MCC: variants seen among roughly 807,000 people sequenced by gnomAD.
MCC encodes colorectal mutant cancer protein.
In MCC, 90 loss-of-function variants were observed where a neutral mutation model predicts 116.2. That is an observed-to-expected ratio of 0.77 (90% CI 0.65 to 0.92). The LOEUF (loss-of-function observed/expected upper bound fraction) is 0.92. Among genes scored for constraint, MCC ranks in the 40% least tolerant of loss-of-function variants. The probability of loss-of-function intolerance (pLI) is 0.00; values close to 1 mark genes in which losing one functional copy is unlikely to be tolerated. For synonymous variants in MCC, 578 were observed against 510.5 expected (o/e 1.13, Z -1.78); for missense variants, 1,516 against 1,312.2 (o/e 1.16, Z -2.40).
intron 3 of MCC, among the ~76,000 whole-genome samples, chr5:113,285,204 G>C (rs990337097): frequency 2.6e-5 from 4 of 152,126 alleles, no homozygotes; most frequent in African/African-American, 9.7e-5. Context: ...TCAAAGGCGG[G>C]AAGCCAAAGG....
intron 3 of MCC, among the ~76,000 whole-genome samples, chr5:113,242,523 A>G (rs1402846028): frequency 6.6e-6 from 1 of 151,508 alleles, no homozygotes; most frequent in East Asian, 1.9e-4. Flanking sequence ...ATGAATTAGT[A>G]AGAGTTAATT....
chr5:113,200,192 G>T (rs1335876606), intron 3 of MCC, among the ~76,000 whole-genome samples: 1 of 152,038 alleles, frequency 6.6e-6, no homozygotes, highest in Non-Finnish European at 1.5e-5. Context: ...CAGAAGGAAG[G>T]GATTTCAAAC....
chr5:113,206,216 T>C (rs1380880113), intron 3 of MCC, among the ~76,000 whole-genome samples: 1 of 152,220 alleles, frequency 6.6e-6, no homozygotes, highest in African/African-American at 2.4e-5. Context: ...ATCCAAGCTT[T>C]ACTGAGTGCC....
intron 16 of MCC, among the ~76,000 whole-genome samples, chr5:113,047,784 A>G (rs909140388): frequency 1.3e-5 from 2 of 151,376 alleles, no homozygotes; most frequent in Non-Finnish European, 2.9e-5. Context: ...TTCCCAACAC[A>G]GTATTTGGAA....
chr5:113,294,598 G>C (rs1360473043), intron 3 of MCC: 1 of 1,203,166 alleles, frequency 8.3e-7, no homozygotes, highest in East Asian at 3.6e-5. Context: ...AGCCATTGCT[G>C]CAGGAGGCTC....
At chr5:113,220,571 A>G (rs796393030) in intron 3 of MCC, among the ~76,000 whole-genome samples, 7 of 152,260 alleles carry the variant, frequency 4.6e-5, no homozygotes, top group African/African-American at 1.7e-4. Flanking sequence ...AGTATTTCAT[A>G]TTTTTGACAG....
At chr5:113,414,185 C>T (rs1045169768) in intron 1 of MCC, among the ~76,000 whole-genome samples, 2 of 152,098 alleles carry the variant, frequency 1.3e-5, no homozygotes, top group African/African-American at 4.8e-5. Context: ...GCTTTACTTC[C>T]AACTATGTGG....
intron 3 of MCC, among the ~76,000 whole-genome samples, chr5:113,333,596 C>T (rs921143593): frequency 6.6e-6 from 1 of 150,676 alleles, no homozygotes; most frequent in African/African-American, 2.5e-5. Context: ...AAGGAAAAGA[C>T]AGCCTTGAGC....
intron 14 of MCC, among the ~76,000 whole-genome samples, chr5:113,057,851 A>G (rs747214592): frequency 6.6e-6 from 1 of 152,238 alleles, no homozygotes; most frequent in African/African-American, 2.4e-5. Context: ...AAGTACTGGC[A>G]CTGTTTGCAA....
At chr5:113,043,454 G>C in intron 17 of MCC, 76 bp downstream of exon 17, 4 of 1,305,920 alleles carry the variant, frequency 3.1e-6, no homozygotes, top group Non-Finnish European at 4.4e-6. Flanking sequence ...CTCCTTTTGG[G>C]AGCAGCAAAG....
Position 113,055,216 on chromosome 5 carries a change from C to G in MCC, c.2214-1257G>C, listed in dbSNP as rs564201341. Reference sequence around the variant, plus strand: ...ACTAGACTTGGGCCGCAGCCTCGTCCCACAGCCCTGTCCTTGTCCCCAGAA... The same window carrying G: ...ACTAGACTTGGGCCGCAGCCTCGTCGCACAGCCCTGTCCTTGTCCCCAGAA... On this transcript the variant is annotated intron_variant, in intron 14 of 18. Transcript: ENST00000408903. Among the ~76,000 whole-genome samples the G allele has an allele frequency of 1.1e-4, 17 of 152,290 alleles. No homozygotes were observed. The South Asian group carries it at 1.7e-3, about 15-fold the overall frequency.
chr5:113,248,238 A>T lies in MCC; in HGVS notation c.627+92281T>A, dbSNP rs865953733. On this transcript the variant is annotated intron_variant, in intron 3 of 18. Coordinates refer to ENST00000408903, the MANE Select transcript of MCC (RefSeq NM_001085377.2). ...AGAGTGAGACCTTGTATCTATTTAA[A>T]AAAAAAAAAAAAAAAAAGATCACAC... 9.2e-3 allele frequency among the ~76,000 whole-genome samples: 815 copies of T among 88,130 alleles called. 4 individuals carry two copies. The highest frequency in any genetic ancestry group is 0.019 in the Middle Eastern group (4 of 210). 57.8% of individuals were successfully genotyped at this position (88,130 alleles called of 152,430 possible).
At chr5:113,418,689 T>TCATCATC (rs1554082351) in intron 1 of MCC, among the ~76,000 whole-genome samples, 9 of 131,140 alleles carry the variant, frequency 6.9e-5, no homozygotes, top group South Asian at 4.6e-4. Context: ...TCATCATTAT[T>TCATCATC]ATCATCATCA....
At chr5:113,488,199 G>A (rs1267530109) in intron 1 of MCC, 46 bp downstream of exon 1, 2 of 1,570,344 alleles carry the variant, frequency 1.3e-6, no homozygotes, top group African/African-American at 1.4e-5. Context: ...GGCGCGCGGA[G>A]GGACTGATCT....
At position 113,450,503 on chromosome 5, in the gene MCC, C is replaced by T. The variant is rs1295972484; in HGVS notation, c.170+37742G>A. Among the ~76,000 whole-genome samples the T allele has an allele frequency of 2.6e-5, 4 of 152,162 alleles. No homozygotes were observed. The East Asian group carries it at 7.7e-4, about 29-fold the overall frequency. ...CATGAACAGAAATGTGTGCGAACCC[C>T]AGGAGATAAAACATTTTGGCCAGGA... On this transcript the variant is annotated intron_variant, in intron 1 of 18. Coordinates refer to ENST00000408903, the MANE Select transcript of MCC (RefSeq NM_001085377.2).
intron 3 of MCC, among the ~76,000 whole-genome samples, chr5:113,217,891 C>T (rs944736870): frequency 4.6e-5 from 7 of 152,026 alleles, no homozygotes; most frequent in Non-Finnish European, 7.4e-5. Flanking sequence ...GTGCACACCA[C>T]GCCTGTATGT....
chr5:113,272,133 C>T (rs1765639348), intron 3 of MCC, among the ~76,000 whole-genome samples: 1 of 152,118 alleles, frequency 6.6e-6, no homozygotes, highest in Non-Finnish European at 1.5e-5. Flanking sequence ...TTTGCTTGCA[C>T]CAAAAGGGAA....
chr5:113,081,568 T>G (rs1031319917), intron 11 of MCC, among the ~76,000 whole-genome samples: 2 of 152,090 alleles, frequency 1.3e-5, no homozygotes, highest in African/African-American at 4.8e-5. Flanking sequence ...AGAGAGGAGA[T>G]CCTCACTAAA....
At chr5:113,441,178 T>C (rs1434683122) in intron 1 of MCC, among the ~76,000 whole-genome samples, 1 of 152,024 alleles carries the variant, frequency 6.6e-6, no homozygotes, top group Non-Finnish European at 1.5e-5. Context: ...CTACTAAAAA[T>C]ACAAAAATTA....
Sources: allele counts gnomAD v4.1 joint callset (sites outside exome capture counted in the v4.1 genomes callset), GRCh38; gene constraint gnomAD v4.1.1; transcripts MANE v1.5; gene names NCBI Gene and HGNC (gene_info 2026-07-23, HGNC 2026-07-21).